The following OSBPL1A variants were observed in gnomAD, a reference collection of about 807,000 sequenced individuals.
OSBPL1A encodes oxysterol-binding protein-related protein 1.
In OSBPL1A, 80 loss-of-function variants were observed where a neutral mutation model predicts 137.1. That is an observed-to-expected ratio of 0.58 (90% CI 0.49 to 0.70). The LOEUF (loss-of-function observed/expected upper bound fraction) is 0.70. Ranked by LOEUF, OSBPL1A falls within the 30% of genes least tolerant of loss-of-function variation. The probability of loss-of-function intolerance (pLI) is 0.00; values close to 1 mark genes in which losing one functional copy is unlikely to be tolerated. For synonymous variants in OSBPL1A, 365 were observed against 389.7 expected (o/e 0.94, Z 0.75); for missense variants, 970 against 1,129.4 (o/e 0.86, Z 2.02).
At chr18:24,164,167 A>G (rs910088690) in intron 27 of OSBPL1A, among the ~76,000 whole-genome samples, 3 of 152,226 alleles carry the variant, frequency 2.0e-5, no homozygotes, top group Non-Finnish European at 4.4e-5. Context: ...CATGCTACAC[A>G]TAATCCAAAA....
rs1194903601 is a variant in OSBPL1A at position 24,166,710 on chromosome 18, G to C, written c.2536-8C>G. On this transcript the variant is annotated splice_polypyrimidine_tract_variant and splice_region_variant and intron_variant, in intron 25 of 27. Transcript: ENST00000319481. ...ACTAGTAAAATTATACATCTGAAAAGAAGCAAAAGGAAGAAATTAAAATAT... is the reference window on the plus strand; with the variant it reads ...ACTAGTAAAATTATACATCTGAAAACAAGCAAAAGGAAGAAATTAAAATAT... 22 of 1,600,706 alleles carry C rather than the reference G, an allele frequency of 1.4e-5. No homozygotes were observed. Among genetic ancestry groups the C allele is most frequent in the Non-Finnish European group, 1.8e-5 (21 of 1,176,250 alleles).
chr18:24,197,563 C>T lies in OSBPL1A; in HGVS notation c.1602-1363G>A, dbSNP rs80354077. On this transcript the variant is annotated intron_variant, in intron 17 of 27. Coordinates refer to ENST00000319481, the MANE Select transcript of OSBPL1A (RefSeq NM_080597.4). ...TTTCTTTTTCTTTTTTAGGAACACACACTGCTCATTTGGCAGATATGCCAT... is the reference window on the plus strand; with the variant it reads ...TTTCTTTTTCTTTTTTAGGAACACATACTGCTCATTTGGCAGATATGCCAT... 2.8e-4 allele frequency among the ~76,000 whole-genome samples: 42 copies of T among 152,216 alleles called. No individual in the cohort carries two copies. The East Asian group carries it at 7.9e-3, about 29-fold the overall frequency.
At chr18:24,307,737 A>G (rs1401980172) in intron 13 of OSBPL1A, among the ~76,000 whole-genome samples, 1 of 152,230 alleles carries the variant, frequency 6.6e-6, no homozygotes, top group Non-Finnish European at 1.5e-5. Context: ...ACGTGGATGT[A>G]CATGCAACTT....
chr18:24,186,253 T>G (rs1231184371), intron 18 of OSBPL1A, among the ~76,000 whole-genome samples: 1 of 152,104 alleles, frequency 6.6e-6, no homozygotes, highest in African/African-American at 2.4e-5. Context: ...TTAAAGAGTT[T>G]GTAATGATTT....
intron 17 of OSBPL1A, among the ~76,000 whole-genome samples, chr18:24,219,899 G>C (rs992277430): frequency 1.3e-5 from 2 of 152,188 alleles, no homozygotes; most frequent in Non-Finnish European, 2.9e-5. Context: ...TATACTTGAA[G>C]TGACCCCATG....
intron 7 of OSBPL1A, among the ~76,000 whole-genome samples, chr18:24,328,036 C>CTTT (rs10563779): frequency 2.0e-4 from 19 of 95,628 alleles, no homozygotes; most frequent in East Asian, 1.0e-3. Flanking sequence ...AGAAATCACA[C>CTTT]TTTTTTTTTT....
intron 4 of OSBPL1A, among the ~76,000 whole-genome samples, chr18:24,347,220 A>C (rs2091361080): frequency 6.6e-6 from 1 of 152,194 alleles, no homozygotes. Context: ...TCCGTCACCC[A>C]GGCTGGAGTG....
chr18:24,321,637 A>G (rs374994064), intron 7 of OSBPL1A: 28 of 499,386 alleles, frequency 5.6e-5, no homozygotes, highest in Non-Finnish European at 9.5e-5. Context: ...GTGGCCCCAC[A>G]GTAAGTTGAG....
chr18:24,165,763 C>G (rs959997017), intron 26 of OSBPL1A, among the ~76,000 whole-genome samples: 4 of 152,106 alleles, frequency 2.6e-5, no homozygotes, highest in African/African-American at 9.7e-5. Flanking sequence ...AAAATGCCCC[C>G]CTTTTGAGAA....
chr18:24,369,212 A>G (rs1285567136), intron 2 of OSBPL1A, among the ~76,000 whole-genome samples: 1 of 152,232 alleles, frequency 6.6e-6, no homozygotes, highest in Non-Finnish European at 1.5e-5. Flanking sequence ...TAATGAGGAT[A>G]TTGGGTTGCC....
chr18:24,357,378 A>G (rs1199569443), intron 4 of OSBPL1A: 1 of 152,218 alleles, frequency 6.6e-6, no homozygotes, highest in Non-Finnish European at 1.5e-5. Flanking sequence ...TGCATTCTAC[A>G]TAACACAGAC....
intron 14 of OSBPL1A, among the ~76,000 whole-genome samples, chr18:24,300,268 C>T (rs778026627): frequency 2.6e-5 from 4 of 152,122 alleles, no homozygotes; most frequent in Non-Finnish European, 5.9e-5. Flanking sequence ...AACGTTTGGT[C>T]AAGGGTGTTT....
At chr18:24,293,877 AG>A (rs1387443651) in intron 14 of OSBPL1A, among the ~76,000 whole-genome samples, 1 of 152,150 alleles carries the variant, frequency 6.6e-6, no homozygotes, top group Non-Finnish European at 1.5e-5. Context: ...CAGAAGCTGT[AG>A]GGGGAAGGGT....
intron 5 of OSBPL1A, among the ~76,000 whole-genome samples, chr18:24,337,948 T>A (rs1313137983): frequency 3.9e-5 from 6 of 151,978 alleles, no homozygotes; most frequent in Admixed American, 3.9e-4. Context: ...ATAAATAACA[T>A]AAAATATGTA....
intron 14 of OSBPL1A, among the ~76,000 whole-genome samples, chr18:24,286,202 T>C (rs954197574): frequency 6.6e-6 from 1 of 152,162 alleles, no homozygotes; most frequent in African/African-American, 2.4e-5. Context: ...ATTGGAATTA[T>C]ATAAATGCTT....
chr18:24,351,016 A>T (rs1242147646), intron 4 of OSBPL1A, among the ~76,000 whole-genome samples: 2 of 152,074 alleles, frequency 1.3e-5, no homozygotes, highest in East Asian at 3.9e-4. Context: ...CCATGTGTAC[A>T]GCTCTGGAGG....
chr18:24,390,477 A>G (rs936374175), intron 1 of OSBPL1A, among the ~76,000 whole-genome samples: 6 of 152,122 alleles, frequency 3.9e-5, no homozygotes, highest in African/African-American at 9.7e-5. Flanking sequence ...CGATCACTTG[A>G]GGTCAGGAAT....
intron 4 of OSBPL1A, among the ~76,000 whole-genome samples, chr18:24,345,414 C>CTGTG (rs1021849258): frequency 6.6e-6 from 1 of 152,204 alleles, no homozygotes; most frequent in Non-Finnish European, 1.5e-5. Context: ...AGGCCAGGCA[C>CTGTG]TGTGGCTCAC....
Position 24,167,434 on chromosome 18 carries a change from A to G in OSBPL1A, c.2430T>C (p.Ser810=), listed in dbSNP as rs753649150. 1 of 1,614,154 alleles carries G rather than the reference A, an allele frequency of 6.2e-7. No homozygotes were observed. The highest frequency in any genetic ancestry group is 1.1e-5 in the South Asian group (1 of 91,080). Residue 810 remains serine (S), a synonymous_variant, in exon 25 of 28, where the codon TCT becomes TCC. Transcript: ENST00000319481. ...GCACTGGCATTTCATCCAACTCCTCAGAGGTGCTCATCTAGAAAAACCAAT... is the reference window on the plus strand; with the variant it reads ...GCACTGGCATTTCATCCAACTCCTCGGAGGTGCTCATCTAGAAAAACCAAT... The part of the protein sequence containing the change: ...EKKNSKQMST[S]EELDEMPVPD...
Sources: gnomAD v4.1 joint callset for allele counts (sites outside exome capture counted in the v4.1 genomes callset) on GRCh38, gnomAD v4.1.1 for gene constraint, MANE v1.5 for transcripts, NCBI Gene and HGNC (gene_info 2026-07-23, HGNC 2026-07-21) for gene names.